The following KDM4C variants were observed in gnomAD, a reference collection of about 807,000 sequenced individuals.
The protein encoded by KDM4C is lysine demethylase 4C.
In KDM4C, 81 loss-of-function variants were observed where a neutral mutation model predicts 129.3. The observed-to-expected ratio is 0.63, with a 90% CI of 0.52 to 0.75. The LOEUF (loss-of-function observed/expected upper bound fraction) is 0.75, where lower values mean the gene tolerates loss of function less well. KDM4C is among the 30% of genes least tolerant of loss of function. The pLI is 0.00. For synonymous variants in KDM4C, 573 were observed against 456.1 expected, an observed-to-expected ratio of 1.26 and a Z score of -3.26; for missense variants, 1,457 against 1,304.0, an observed-to-expected ratio of 1.12 and a Z score of -1.81.
At chr9:6,858,554 A>C (rs1214325500) in intron 5 of KDM4C, among the ~76,000 whole-genome samples, 1 of 152,154 alleles carries the variant, frequency 6.6e-6, no homozygotes, top group South Asian at 2.1e-4. Flanking sequence ...TGGGCGGATC[A>C]TTTGAGACCA....
chr9:6,728,359 C>T (rs761952689), intron 1 of KDM4C, among the ~76,000 whole-genome samples: 2 of 151,618 alleles, frequency 1.3e-5, no homozygotes, highest in East Asian at 1.9e-4. Context: ...CATGGTGAAA[C>T]TCTGTCTTTA....
intron 8 of KDM4C, among the ~76,000 whole-genome samples, chr9:6,922,043 C>T (rs1331792148): frequency 6.6e-6 from 1 of 152,162 alleles, no homozygotes; most frequent in African/African-American, 2.4e-5. Context: ...GGGATTTTGC[C>T]TTATTCACAC....
chr9:6,887,811 T>C (rs192699881), intron 6 of KDM4C, 149 bp from the exon 7 acceptor site: 21 of 520,222 alleles, frequency 4.0e-5, no homozygotes, highest in African/African-American at 3.6e-4. Flanking sequence ...ACTCTGACTC[T>C]GAGTTTTAGT....
At chr9:6,862,386 T>G (rs955665493) in intron 5 of KDM4C, among the ~76,000 whole-genome samples, 1 of 152,236 alleles carries the variant, frequency 6.6e-6, no homozygotes. Flanking sequence ...CTTTGTGTAT[T>G]TTTTTCAGTT....
upstream of KDM4C, chr9:6,757,630 C>A (rs1246852006): frequency 1.0e-6 from 1 of 985,332 alleles, no homozygotes; most frequent in African/African-American, 1.7e-5. Flanking sequence ...GACGTCCGCG[C>A]GTCGGAGGCC....
intron 8 of KDM4C, among the ~76,000 whole-genome samples, chr9:6,956,696 G>T (rs1829122563): frequency 6.6e-6 from 1 of 152,198 alleles, no homozygotes; most frequent in South Asian, 2.1e-4. Flanking sequence ...TTTACAGAAA[G>T]ATATCACCAA....
intron 4 of KDM4C, among the ~76,000 whole-genome samples, chr9:6,837,416 A>AT (rs1479415395): frequency 4.6e-5 from 7 of 152,178 alleles, no homozygotes; most frequent in Non-Finnish European, 7.3e-5. Context: ...AAATTCACCC[A>AT]TTTTAAGTGT....
At chr9:7,049,729 T>TA (rs1829886432) in intron 17 of KDM4C, among the ~76,000 whole-genome samples, 1 of 152,168 alleles carries the variant, frequency 6.6e-6, no homozygotes, top group African/African-American at 2.4e-5. Context: ...AGAAACTGTG[T>TA]AAAAATCTTC....
rs757915628 is a variant in KDM4C at position 6,849,603 on chromosome 9, C to G, written c.532C>G (p.Leu178Val). ...ISIEGVNTPY[L>V]YFGMWKTTFA... ...TATTGAGGGTGTAAATACCCCATAT[C>G]TCTATTTTGGCATGTGGAAGACCAC... The change falls in exon 5 of 22, where the codon CTC becomes GTC. Residue 178 changes from leucine (L) to valine (V), a missense_variant. By Grantham distance (32) the Leu-to-Val change is conservative. Coordinates refer to ENST00000381309, the MANE Select transcript of KDM4C (RefSeq NM_015061.6). 124 of 1,613,768 alleles carry G rather than the reference C, an allele frequency of 7.7e-5. 1 individual carries two copies. The Admixed American group carries it at 2.0e-3, about 26-fold the overall frequency.
At chr9:7,111,782 C>G (rs1838347120) in intron 18 of KDM4C, among the ~76,000 whole-genome samples, 2 of 152,118 alleles carry the variant, frequency 1.3e-5, no homozygotes, top group Non-Finnish European at 2.9e-5. Context: ...TGAAGACTGT[C>G]TTTCATAAAA....
intron 8 of KDM4C, among the ~76,000 whole-genome samples, chr9:6,954,358 A>G (rs746670042): frequency 1.3e-5 from 2 of 152,022 alleles, no homozygotes; most frequent in Non-Finnish European, 2.9e-5. Context: ...GGTATAATTA[A>G]TTATGTCTGT....
intron 5 of KDM4C, among the ~76,000 whole-genome samples, chr9:6,852,282 G>A (rs535612964): frequency 1.3e-5 from 2 of 152,168 alleles, no homozygotes; most frequent in Admixed American, 6.5e-5. Context: ...AGTATTTGGA[G>A]GCAGGCGGTT....
intron 18 of KDM4C, among the ~76,000 whole-genome samples, chr9:7,112,627 G>A (rs1838454039): frequency 6.6e-6 from 1 of 152,172 alleles, no homozygotes; most frequent in South Asian, 2.1e-4. Flanking sequence ...TAATGCCAGT[G>A]AGCTTGCCCT....
intron 2 of KDM4C, among the ~76,000 whole-genome samples, chr9:6,805,132 G>C (rs749797941): frequency 1.3e-5 from 2 of 152,052 alleles, no homozygotes; most frequent in Admixed American, 6.6e-5. Flanking sequence ...AACTCCTGAC[G>C]TGGTGATCCG....
At chr9:6,848,668 G>C (rs62535662) in intron 4 of KDM4C, among the ~76,000 whole-genome samples, 230 of 148,416 alleles carry the variant, frequency 1.5e-3, no homozygotes, top group African/African-American at 5.5e-3. Context: ...GACTGTCTCA[G>C]GGGAAAAAAA....
Position 6,984,277 on chromosome 9 carries a change from C to T in KDM4C, c.1227C>T (p.Asp409=), listed in dbSNP as rs1163870559. 7.4e-6 allele frequency: 12 copies of T among 1,613,884 alleles called. No individual in the cohort carries two copies. Among genetic ancestry groups the T allele is most frequent in the Admixed American group, 1.7e-5 (1 of 59,988 alleles). Residue 409 remains aspartate, a synonymous_variant, in exon 10 of 22, where the codon GAC becomes GAT. Transcript: ENST00000381309. ...EVPNPDSVTD[D]LKVSEKSEAA... ...CTAACCCCGACTCAGTCACAGATGA[C>T]CTCAAGGTCAGTGAAAAGTCAGAAG...
At chr9:6,854,537 A>AC (rs1242632366) in intron 5 of KDM4C, among the ~76,000 whole-genome samples, 18 of 146,232 alleles carry the variant, frequency 1.2e-4, no homozygotes, top group African/African-American at 4.3e-4. Flanking sequence ...AAAAAAAAAA[A>AC]AAAAAAAACA....
chr9:6,823,664 C>T (rs1002394519), intron 4 of KDM4C, among the ~76,000 whole-genome samples: 1 of 152,208 alleles, frequency 6.6e-6, no homozygotes, highest in Non-Finnish European at 1.5e-5. Flanking sequence ...CCTGTACCAG[C>T]CAGATAATCA....
chr9:7,130,225 C>G (rs953089354), intron 19 of KDM4C, among the ~76,000 whole-genome samples: 1 of 152,182 alleles, frequency 6.6e-6, no homozygotes, highest in Non-Finnish European at 1.5e-5. Context: ...CTTCTGAGCA[C>G]TAATTTCAAA....
Sources: gnomAD v4.1 joint callset for allele counts (sites outside exome capture counted in the v4.1 genomes callset) on GRCh38, gnomAD v4.1.1 for gene constraint, MANE v1.5 for transcripts, NCBI Gene and HGNC (gene_info 2026-07-23, HGNC 2026-07-21) for gene names.